The following STEAP4 variants were observed in gnomAD, a reference collection of about 807,000 sequenced individuals.
STEAP4 encodes the protein metalloreductase STEAP4.
Under a neutral mutation model 43.6 loss-of-function variants are expected in STEAP4, and 36 were observed. That is an observed-to-expected ratio of 0.83 (90% CI 0.63 to 1.09). The LOEUF (loss-of-function observed/expected upper bound fraction) is 1.09. Among genes scored for constraint, STEAP4 ranks in the 50% least tolerant of loss-of-function variants. STEAP4 has a pLI of 0.00. For missense variants in STEAP4, 495 were observed against 546.5 expected (o/e 0.91, Z 0.94); for synonymous variants, 191 against 196.7 (o/e 0.97, Z 0.24).
chr7:88,288,669 G>A (rs901625660), intron 1 of STEAP4, among the ~76,000 whole-genome samples: 6 of 151,848 alleles, frequency 4.0e-5, no homozygotes, highest in Non-Finnish European at 8.8e-5. Context: ...GATAATCAAC[G>A]AACTGGAAAA....
At chr7:88,290,244 TGAA>T (rs996994407) in intron 1 of STEAP4, 2 of 152,220 alleles carry the variant, frequency 1.3e-5, no homozygotes, top group Non-Finnish European at 1.5e-5. Context: ...AATTTTTTAA[TGAA>T]GATATTGACT....
Position 88,284,253 on chromosome 7 carries a change from A to T in STEAP4, c.17T>A (p.Ile6Lys). The T allele has an allele frequency of 1.3e-6, 2 of 1,587,652 alleles. No homozygotes were observed. The highest frequency in any genetic ancestry group is 2.2e-5 in the East Asian group (1 of 44,566). ...ATTCATAGTAAGAGGAAGTGCATCT[A>T]TACAAGTTTTCTCCATAACTGAAAA... MEKTC[I>K]DALPLTMNSS... Residue 6 changes from isoleucine to lysine, a missense_variant, in exon 2 of 5, where the codon ATA becomes AAA. Transcript: ENST00000380079.
chr7:88,287,613 A>T (rs1348077038), intron 1 of STEAP4, among the ~76,000 whole-genome samples: 3 of 152,122 alleles, frequency 2.0e-5, no homozygotes, highest in Non-Finnish European at 2.9e-5. Context: ...CAGGTTGGAG[A>T]TAGAATTATA....
Position 88,273,900 on chromosome 7 carries a change from A to G in STEAP4, c.*5498T>C, listed in dbSNP as rs976681364. 2 of 152,246 alleles carry G rather than the reference A, an allele frequency of 1.3e-5. No homozygotes were observed. The highest frequency in any genetic ancestry group is 2.9e-5 in the Non-Finnish European group (2 of 68,046). The allele number at this position is 152,246 out of a possible 1,614,324, so 9.4% of individuals were successfully genotyped here. ...CCTTAGAGGACGAATTGAAATCAGCATAGATAAACCTGGAGTATTGAGGAC... is the reference window on the plus strand; with the variant it reads ...CCTTAGAGGACGAATTGAAATCAGCGTAGATAAACCTGGAGTATTGAGGAC... On this transcript the variant is annotated 3_prime_UTR_variant, in exon 5 of 5. Coordinates refer to ENST00000380079, the MANE Select transcript of STEAP4 (RefSeq NM_024636.4).
intron 1 of STEAP4, among the ~76,000 whole-genome samples, chr7:88,288,394 T>A (rs1852776773): frequency 6.6e-6 from 1 of 152,164 alleles, no homozygotes. Flanking sequence ...GGTCTCGAAC[T>A]CCTGATGTCA....
Position 88,274,866 on chromosome 7 carries a change from T to G in STEAP4, c.*4532A>C, listed in dbSNP as rs1194252664. The G allele has an allele frequency of 6.6e-6, 1 of 152,178 alleles. No homozygotes were observed. Among genetic ancestry groups the G allele is most frequent in the African/African-American group, 2.4e-5 (1 of 41,432 alleles). The allele number at this position is 152,178 out of a possible 1,614,324, so 9.4% of individuals were successfully genotyped here. On this transcript the variant is annotated 3_prime_UTR_variant, in exon 5 of 5. Transcript: ENST00000380079. Reference sequence around the variant, plus strand: ...TCATGGTGCTAGTGGGAGTGTATTTTAGGCTGCTAATATATTATAATTAGC... The same window carrying G: ...TCATGGTGCTAGTGGGAGTGTATTTGAGGCTGCTAATATATTATAATTAGC...
chr7:88,282,452 T>A (rs1852636734), intron 3 of STEAP4, 189 bp downstream of exon 3: 2 of 664,016 alleles, frequency 3.0e-6, no homozygotes, highest in Non-Finnish European at 4.9e-6. Context: ...CGGCAAACTT[T>A]TATTCTTAAT....
At position 88,279,171 on chromosome 7, in the gene STEAP4, G is replaced by A; in HGVS notation, c.*227C>T. The A allele has an allele frequency of 1.9e-6, 1 of 525,724 alleles. No individual in the cohort carries two copies. The highest frequency in any genetic ancestry group is 2.1e-5 in the South Asian group (1 of 46,954). The allele number at this position is 525,724 out of a possible 1,614,324, so 32.6% of individuals were successfully genotyped here. On this transcript the variant is annotated 3_prime_UTR_variant, in exon 5 of 5. Coordinates refer to ENST00000380079, the MANE Select transcript of STEAP4 (RefSeq NM_024636.4). ...CTCCATGGCCTCTGGGAAAATAAGA[G>A]TCAGGGACCTGCACTGATTCTTCAC...
intron 1 of STEAP4, chr7:88,293,087 C>G (rs781544343): frequency 3.3e-5 from 5 of 152,174 alleles, no homozygotes; most frequent in Non-Finnish European, 7.4e-5. Flanking sequence ...TAAGACTTGG[C>G]TATACTGACT....
At chr7:88,288,369 C>T (rs1214134900) in intron 1 of STEAP4, among the ~76,000 whole-genome samples, 6 of 152,092 alleles carry the variant, frequency 3.9e-5, no homozygotes, top group African/African-American at 1.4e-4. Context: ...AGGGTTTCTC[C>T]ATGTTGGTCA....
rs1852681231 is a variant in STEAP4 at position 88,284,104 on chromosome 7, T to A, written c.166A>T (p.Thr56Ser). 1 of 1,614,098 alleles carries A rather than the reference T, an allele frequency of 6.2e-7. No homozygotes were observed. Among genetic ancestry groups the A allele is most frequent in the Non-Finnish European group, 8.5e-7 (1 of 1,180,026 alleles). The stretch of plus-strand genomic sequence containing the variant: ...ACTTCTGCACCACTGGGCAGTAGGG[T>A]GGTCTTCTGGGGGTTTCGACTTCCA... ...VFGSRNPQKTTLLPSGAEVLS... is the reference protein window; with the variant it reads ...VFGSRNPQKTSLLPSGAEVLS... The change falls in exon 2 of 5, where the codon ACC becomes TCC. Residue 56 changes from threonine (T) to serine (S), a missense_variant. Physicochemically the swap from Thr to Ser is moderately conservative, Grantham distance 58. Transcript: ENST00000380079.
intron 1 of STEAP4, among the ~76,000 whole-genome samples, chr7:88,289,061 C>CGCGTGT (rs1554542586): frequency 1.4e-4 from 21 of 148,328 alleles, no homozygotes; most frequent in Non-Finnish European, 1.9e-4. Flanking sequence ...CATGCATGCG[C>CGCGTGT]GTGTGTGTGT....
chr7:88,294,146 A>G (rs1852887747), intron 1 of STEAP4, among the ~76,000 whole-genome samples: 2 of 152,088 alleles, frequency 1.3e-5, no homozygotes, highest in East Asian at 3.9e-4. Flanking sequence ...AAAAATATAA[A>G]ATCAGAAATG....
intron 1 of STEAP4, among the ~76,000 whole-genome samples, chr7:88,301,721 GTGC>G (rs760879777): frequency 6.6e-6 from 1 of 152,020 alleles, no homozygotes; most frequent in Non-Finnish European, 1.5e-5. Context: ...GACTACAGGT[GTGC>G]ACCACCACGC....
At position 88,278,596 on chromosome 7, in the gene STEAP4, T is replaced by C. The variant is rs1369767205; in HGVS notation, c.*802A>G. 1 of 152,244 alleles carries C rather than the reference T, an allele frequency of 6.6e-6. No individual in the cohort carries two copies. The highest frequency in any genetic ancestry group is 1.5e-5 in the Non-Finnish European group (1 of 68,042). 9.4% of individuals were successfully genotyped at this position (152,244 alleles called of 1,614,324 possible). A position where few individuals can be genotyped will look rare whatever the true frequency, so the allele number is the denominator to read the frequency against. Reference sequence around the variant, plus strand: ...TTGCTGTCTAAAATTCTGGTTTCTTTGAACTTTTTGATCAAGAACTTTTAT... The same window carrying C: ...TTGCTGTCTAAAATTCTGGTTTCTTCGAACTTTTTGATCAAGAACTTTTAT... On this transcript the variant is annotated 3_prime_UTR_variant, in exon 5 of 5. Coordinates refer to ENST00000380079, the MANE Select transcript of STEAP4 (RefSeq NM_024636.4).
At chr7:88,297,603 T>C (rs528492434) in intron 1 of STEAP4, among the ~76,000 whole-genome samples, 2 of 152,290 alleles carry the variant, frequency 1.3e-5, no homozygotes, top group Admixed American at 6.5e-5. Context: ...AACACAAATG[T>C]GTTTTAATAT....
intron 1 of STEAP4, among the ~76,000 whole-genome samples, chr7:88,289,577 C>T (rs1204078960): frequency 1.3e-5 from 2 of 152,152 alleles, no homozygotes; most frequent in Non-Finnish European, 2.9e-5. Flanking sequence ...TTGCACGCCT[C>T]CATCAAAAGC....
At chr7:88,289,281 A>T (rs1438395885) in intron 1 of STEAP4, among the ~76,000 whole-genome samples, 1 of 152,180 alleles carries the variant, frequency 6.6e-6, no homozygotes, top group Admixed American at 6.6e-5. Context: ...ATGCTGAATG[A>T]TTAAAGAGTA....
rs777226505 is a variant in STEAP4 at position 88,279,509 on chromosome 7, C to G, written c.1269G>C (p.Gly423=). The change falls in exon 5 of 5, where the codon GGG becomes GGC. Residue 423 remains glycine (G), a synonymous_variant. Coordinates refer to ENST00000380079, the MANE Select transcript of STEAP4 (RefSeq NM_024636.4). The stretch of plus-strand genomic sequence containing the variant: ...CCAGCACAGTGCAAGGAATGATAAG[C>G]CCTAACACGTAGGCTGCAGGAAGAT... ...RWYLPAAYVL[G]LIIPCTVLVI... 6.2e-7 allele frequency: 1 copy of G among 1,613,990 alleles called. No individual in the cohort carries two copies. Among genetic ancestry groups the G allele is most frequent in the Non-Finnish European group, 8.5e-7 (1 of 1,180,026 alleles).
Sources: allele counts gnomAD v4.1 joint callset (sites outside exome capture counted in the v4.1 genomes callset), GRCh38; gene constraint gnomAD v4.1.1; transcripts MANE v1.5; gene names NCBI Gene and HGNC (gene_info 2026-07-23, HGNC 2026-07-21).